The following SI variants were observed in gnomAD, a reference collection of about 807,000 sequenced individuals.
SI encodes the protein sucrase-isomaltase.
SI carries 235 observed loss-of-function variants against 253.3 expected under a neutral mutation model. That is an observed-to-expected ratio of 0.93 (90% CI 0.83 to 1.03). The LOEUF is 1.03. Among genes scored for constraint, SI ranks in the 50% least tolerant of loss-of-function variants. SI has a pLI of 0.00. For synonymous variants in SI, 819 were observed against 712.0 expected (o/e 1.15, Z -2.39); for missense variants, 2,442 against 2,211.1 (o/e 1.10, Z -2.09).
At chr3:165,036,129 T>A (rs548045675) in intron 22 of SI, among the ~76,000 whole-genome samples, 1 of 151,758 alleles carries the variant, frequency 6.6e-6, no homozygotes, top group Non-Finnish European at 1.5e-5. Context: ...TTTAATCTAA[T>A]AGATAAAGAT....
chr3:164,987,240 A>T lies in SI; in HGVS notation c.5109-14T>A. The T allele has an allele frequency of 6.2e-7, 1 of 1,604,776 alleles. No individual in the cohort carries two copies. The highest frequency in any genetic ancestry group is 1.3e-5 in the African/African-American group (1 of 74,862). ...TGTTTTTGTCGACTATAAGAAAGAA[A>T]TATATAATTTTACCCATGTTTGTAG... On this transcript the variant is annotated splice_polypyrimidine_tract_variant and intron_variant, in intron 44 of 47. Transcript: ENST00000264382.
At chr3:165,058,592 T>A (rs1442431670) in intron 12 of SI, among the ~76,000 whole-genome samples, 1 of 151,794 alleles carries the variant, frequency 6.6e-6, no homozygotes, top group Non-Finnish European at 1.5e-5. Flanking sequence ...AAAGGAGACA[T>A]GACAACAGAT....
chr3:165,005,228 G>A (rs1010008778), intron 37 of SI, among the ~76,000 whole-genome samples: 1 of 151,862 alleles, frequency 6.6e-6, no homozygotes, highest in African/African-American at 2.4e-5. Flanking sequence ...TAATACAGCA[G>A]GGATGGTTAA....
intron 22 of SI, among the ~76,000 whole-genome samples, chr3:165,034,009 T>C (rs1712394891): frequency 6.6e-6 from 1 of 151,748 alleles, no homozygotes; most frequent in East Asian, 2.0e-4. Context: ...ATTCAATGTA[T>C]CTCTTTAAAG....
intron 8 of SI, 102 bp from the exon 9 acceptor site, chr3:165,062,585 T>G: frequency 1.5e-6 from 1 of 665,050 alleles, no homozygotes. Flanking sequence ...TACATTATTT[T>G]ACAATATGTT....
intron 37 of SI, among the ~76,000 whole-genome samples, chr3:165,001,025 A>G (rs1718234047): frequency 6.6e-6 from 1 of 151,326 alleles, no homozygotes; most frequent in Non-Finnish European, 1.5e-5. Flanking sequence ...AAAATGAAAT[A>G]TGTGAAGAGA....
intron 25 of SI, among the ~76,000 whole-genome samples, chr3:165,027,956 G>GA (rs1458375549): frequency 1.3e-5 from 2 of 151,216 alleles, no homozygotes; most frequent in African/African-American, 2.4e-5. Flanking sequence ...ACAAGAGAAA[G>GA]AAAAAAATGG....
At chr3:165,060,821 T>G (rs938799326) in intron 9 of SI, among the ~76,000 whole-genome samples, 2 of 146,978 alleles carry the variant, frequency 1.4e-5, no homozygotes, top group Non-Finnish European at 3.0e-5. Context: ...ACATATCATA[T>G]ATATATTATA....
intron 12 of SI, among the ~76,000 whole-genome samples, chr3:165,056,465 A>C (rs527299471): frequency 6.6e-6 from 1 of 152,272 alleles, no homozygotes; most frequent in African/African-American, 2.4e-5. Context: ...GAGTGATCAC[A>C]GTACCTGATT....
chr3:165,079,021 A>T (rs537242260), upstream of SI, among the ~76,000 whole-genome samples: 1 of 151,772 alleles, frequency 6.6e-6, no homozygotes, highest in African/African-American at 2.4e-5. Flanking sequence ...AGGTGCCCAG[A>T]TCAGTAATTT....
Position 164,994,327 on chromosome 3 carries a change from GC to G in SI, c.4770del (p.Leu1590PhefsTer58). On this transcript the variant is annotated frameshift_variant, in exon 41 of 48. Coordinates refer to ENST00000264382, the MANE Select transcript of SI (RefSeq NM_001041.4). LOFTEE classifies it high-confidence loss of function. The stretch of plus-strand genomic sequence containing the variant: ...TCATGCATTTGTGTGTAAAAATAGG[GC>G]AATAAGGTGTATCTAATATTTAGAA... The part of the protein sequence containing the change: ...RNILNIRYTL[L>X]PYFYTQMHEI... The G allele has an allele frequency of 6.2e-7, 1 of 1,610,798 alleles. No homozygotes were observed. The highest frequency in any genetic ancestry group is 8.5e-7 in the Non-Finnish European group (1 of 1,177,686).
chr3:164,989,325 C>T (rs1717593074), intron 44 of SI, among the ~76,000 whole-genome samples: 1 of 135,730 alleles, frequency 7.4e-6, no homozygotes, highest in South Asian at 2.4e-4. Flanking sequence ...AGCAACAGAG[C>T]AAGACTCTGT....
Position 165,015,122 on chromosome 3 carries a change from C to T in SI, c.3999+1G>A. 6.2e-7 allele frequency: 1 copy of T among 1,601,250 alleles called. No individual in the cohort carries two copies. The highest frequency in any genetic ancestry group is 1.1e-5 in the South Asian group (1 of 90,806). ...TCTATTTCAAGATATCGATTTAGTA[C>T]CTTTGCCCAACAAATGTCATTGGTG... On this transcript the variant is annotated splice_donor_variant, in intron 33 of 47. Coordinates refer to ENST00000264382, the MANE Select transcript of SI (RefSeq NM_001041.4). LOFTEE classifies it high-confidence loss of function.
chr3:164,993,148 C>T (rs1175596519), intron 41 of SI, among the ~76,000 whole-genome samples: 1 of 151,698 alleles, frequency 6.6e-6, no homozygotes, highest in Non-Finnish European at 1.5e-5. Flanking sequence ...CCGAGGTAAT[C>T]TCAATAGAAC....
At chr3:165,032,923 A>G (rs368054508) in intron 23 of SI, among the ~76,000 whole-genome samples, 1 of 151,466 alleles carries the variant, frequency 6.6e-6, no homozygotes, top group South Asian at 2.1e-4. Flanking sequence ...TATGCAACAC[A>G]TATATACTCA....
intron 25 of SI, 45 bp downstream of exon 25, chr3:165,030,667 T>C (rs182688935): frequency 7.0e-6 from 11 of 1,582,076 alleles, no homozygotes; most frequent in Non-Finnish European, 9.5e-6. Context: ...ACCAAAATGC[T>C]TATGTGATAA....
At chr3:165,088,618 G>A in the SI span, among the ~76,000 whole-genome samples, 1 of 152,080 alleles carries the variant, frequency 6.6e-6, no homozygotes, top group Non-Finnish European at 1.5e-5. Flanking sequence ...TCCAGCCTGG[G>A]CGACAGAGTG....
chr3:165,037,179 C>T lies in SI; in HGVS notation c.2427-702G>A, dbSNP rs556247359. ...ACAGTTAAATTACTAATTACTAATG[C>T]GTATCGCTAACATACTACATACAAG... On this transcript the variant is annotated intron_variant, in intron 21 of 47. Coordinates refer to ENST00000264382, the MANE Select transcript of SI (RefSeq NM_001041.4). 6.6e-5 allele frequency among the ~76,000 whole-genome samples: 10 copies of T among 151,642 alleles called. No individual in the cohort carries two copies. In the South Asian group the frequency reaches 1.0e-3, roughly 16 times the overall value.
intron 46 of SI, 57 bp from the exon 47 acceptor site, chr3:164,982,467 C>A (rs1294456529): frequency 1.5e-6 from 2 of 1,348,470 alleles, no homozygotes; most frequent in Non-Finnish European, 2.1e-6. Context: ...GCAATTAAAA[C>A]TTTAAAAATA....
Sources: allele counts gnomAD v4.1 joint callset (sites outside exome capture counted in the v4.1 genomes callset), GRCh38; gene constraint gnomAD v4.1.1; transcripts MANE v1.5; gene names NCBI Gene and HGNC (gene_info 2026-07-23, HGNC 2026-07-21).